DIPK1A: variants seen among roughly 807,000 people sequenced by gnomAD.
DIPK1A encodes family with sequence similarity 69 member A.
A neutral mutation model predicts 40.8 loss-of-function variants in DIPK1A; 27 were observed. The ratio of observed to expected loss-of-function variants is 0.66; its 90% confidence interval spans 0.49 to 0.91. The LOEUF is 0.91. Among genes scored for constraint, DIPK1A ranks in the 40% least tolerant of loss-of-function variants. DIPK1A has a pLI of 0.00. For missense variants in DIPK1A, 412 were observed against 505.7 expected (o/e 0.81, Z 1.78); for synonymous variants, 166 against 171.3 (o/e 0.97, Z 0.24).
intron 1 of DIPK1A, among the ~76,000 whole-genome samples, chr1:92,882,589 G>A (rs1467134015): frequency 6.6e-6 from 1 of 152,092 alleles, no homozygotes; most frequent in African/African-American, 2.4e-5. Context: ...ATTCTATTTC[G>A]ACTTGCATCC....
intron 1 of DIPK1A, among the ~76,000 whole-genome samples, chr1:92,919,026 T>C (rs1650168862): frequency 6.6e-6 from 1 of 152,152 alleles, no homozygotes; most frequent in Non-Finnish European, 1.5e-5. Flanking sequence ...CATGGGCTGG[T>C]ACTGGTCTGC....
At chr1:92,958,017 A>G (rs1278438795) in intron 1 of DIPK1A, among the ~76,000 whole-genome samples, 2 of 152,224 alleles carry the variant, frequency 1.3e-5, no homozygotes, top group Non-Finnish European at 2.9e-5. Context: ...AATGTTTTTA[A>G]GGTTCATCCA....
At chr1:92,860,833 C>T (rs1647229801) in intron 2 of DIPK1A, among the ~76,000 whole-genome samples, 1 of 151,882 alleles carries the variant, frequency 6.6e-6, no homozygotes, top group African/African-American at 2.4e-5. Flanking sequence ...AGTTTACAGG[C>T]AGATTATATG....
At chr1:92,833,530 A>T (rs1686998440) in intron 4 of DIPK1A, 1 of 1,612,486 alleles carries the variant, frequency 6.2e-7, no homozygotes. Context: ...TTCTACAATT[A>T]TTTTTTTCTT....
chr1:92,833,752 TCTA>T, intron 4 of DIPK1A: 1 of 966,506 alleles, frequency 1.0e-6, no homozygotes, highest in South Asian at 1.3e-5. Context: ...AGAAGGGCTG[TCTA>T]GCACCTCCAA....
intron 1 of DIPK1A, among the ~76,000 whole-genome samples, chr1:92,883,668 G>A (rs1648479723): frequency 6.6e-6 from 1 of 152,168 alleles, no homozygotes; most frequent in South Asian, 2.1e-4. Context: ...GTGGTGTCAA[G>A]GTAATTGAAC....
chr1:92,911,235 C>T (rs1250203946), intron 1 of DIPK1A, among the ~76,000 whole-genome samples: 2 of 152,078 alleles, frequency 1.3e-5, no homozygotes, highest in African/African-American at 4.8e-5. Context: ...GGGGGCAGAG[C>T]CCTCATTAAT....
At chr1:92,857,603 G>A (rs1041723651) in intron 2 of DIPK1A, among the ~76,000 whole-genome samples, 28 of 152,138 alleles carry the variant, frequency 1.8e-4, no homozygotes, top group Admixed American at 1.6e-3. Context: ...GATTACAGGA[G>A]TGAGCCACCG....
At chr1:92,872,886 G>A (rs1330425255) in intron 2 of DIPK1A, among the ~76,000 whole-genome samples, 1 of 152,206 alleles carries the variant, frequency 6.6e-6, no homozygotes, top group East Asian at 1.9e-4. Context: ...GCTTTCCAAT[G>A]AGGTTTTTAA....
chr1:92,865,878 G>A (rs776565140), intron 2 of DIPK1A, among the ~76,000 whole-genome samples: 1 of 152,060 alleles, frequency 6.6e-6, no homozygotes, highest in Non-Finnish European at 1.5e-5. Flanking sequence ...AGATTAATAT[G>A]CACTGTACAT....
chr1:92,918,752 A>G (rs1025542097), intron 1 of DIPK1A, among the ~76,000 whole-genome samples: 39 of 152,308 alleles, frequency 2.6e-4, no homozygotes, highest in African/African-American at 9.1e-4. Context: ...GTTTCGTGGA[A>G]GACGGTTTTG....
At chr1:92,845,540 TG>T (rs1687572373) in intron 4 of DIPK1A, 1 of 246,858 alleles carries the variant, frequency 4.1e-6, no homozygotes, top group Non-Finnish European at 7.6e-6. Flanking sequence ...CCGTCTCTGC[TG>T]AAAAAAAAAA....
intron 3 of DIPK1A, 33 bp from the exon 4 acceptor site, chr1:92,847,392 T>C (rs1194528807): frequency 4.9e-6 from 7 of 1,436,498 alleles, no homozygotes; most frequent in Middle Eastern, 2.2e-4. Flanking sequence ...TTATGTATTA[T>C]ACTGAGTAGA....
At chr1:92,897,370 C>G (rs1176363154) in intron 1 of DIPK1A, among the ~76,000 whole-genome samples, 1 of 151,552 alleles carries the variant, frequency 6.6e-6, no homozygotes, top group Admixed American at 6.6e-5. Flanking sequence ...ATGGATGAAG[C>G]TGGAAACCAT....
chr1:92,940,170 C>T (rs1651098421), intron 1 of DIPK1A, among the ~76,000 whole-genome samples: 1 of 152,010 alleles, frequency 6.6e-6, no homozygotes, highest in Non-Finnish European at 1.5e-5. Context: ...AAAGGTAAAC[C>T]TGATGTAGTC....
Position 92,886,644 on chromosome 1 carries a change from T to C in DIPK1A, c.55-10214A>G, listed in dbSNP as rs1213934499. Among the ~76,000 whole-genome samples the C allele has an allele frequency of 2.0e-5, 3 of 152,278 alleles. No individual in the cohort carries two copies. In the East Asian group the frequency reaches 5.8e-4, roughly 29 times the overall value. ...AATATTGTGCTATAATATTGGATAG[T>C]GATAACAAACAATATTAATGAAAGC... On this transcript the variant is annotated intron_variant, in intron 1 of 4. Coordinates refer to ENST00000370310, the MANE Select transcript of DIPK1A (RefSeq NM_001006605.5).
intron 1 of DIPK1A, among the ~76,000 whole-genome samples, chr1:92,959,141 C>A (rs1189472079): frequency 6.6e-6 from 1 of 151,938 alleles, no homozygotes; most frequent in East Asian, 1.9e-4. Context: ...AAAAAATTAG[C>A]TGGGCATGGT....
chr1:92,919,903 ATTC>A (rs1650205278), intron 1 of DIPK1A, among the ~76,000 whole-genome samples: 1 of 152,228 alleles, frequency 6.6e-6, no homozygotes, highest in Non-Finnish European at 1.5e-5. Flanking sequence ...TTGGCAGATA[ATTC>A]TTATCAAATG....
At chr1:92,956,244 T>A (rs1651851556) in intron 1 of DIPK1A, among the ~76,000 whole-genome samples, 1 of 152,214 alleles carries the variant, frequency 6.6e-6, no homozygotes, top group African/African-American at 2.4e-5. Context: ...GAAACACTTT[T>A]ACTGTATGGT....
Sources: allele counts gnomAD v4.1 joint callset (sites outside exome capture counted in the v4.1 genomes callset), GRCh38; gene constraint gnomAD v4.1.1; transcripts MANE v1.5; gene names NCBI Gene and HGNC (gene_info 2026-07-23, HGNC 2026-07-21).